Variants in LRFN5 observed in about 807,000 individuals in gnomAD.
LRFN5 encodes the protein leucine-rich repeat and fibronectin type-III domain-containing protein 5.
Under a neutral mutation model 45.6 loss-of-function variants are expected in LRFN5, and 24 were observed. The observed-to-expected ratio is 0.53, with a 90% CI of 0.38 to 0.74. LRFN5 has a LOEUF of 0.74. LRFN5 is among the 30% of genes least tolerant of loss of function. LRFN5 has a pLI of 0.00. For missense variants in LRFN5, 776 were observed against 861.5 expected, an observed-to-expected ratio of 0.90 and a Z score of 1.24; for synonymous variants, 340 against 313.8, an observed-to-expected ratio of 1.08 and a Z score of -0.88.
At chr14:41,636,206 A>G (rs1394700823) in intron 1 of LRFN5, among the ~76,000 whole-genome samples, 2 of 152,198 alleles carry the variant, frequency 1.3e-5, no homozygotes, top group Non-Finnish European at 2.9e-5. Flanking sequence ...AGACTGGTTA[A>G]AAGGCAGTTA....
intron 2 of LRFN5, among the ~76,000 whole-genome samples, chr14:41,865,101 TCTC>T (rs746749761): frequency 3.3e-5 from 5 of 152,126 alleles, no homozygotes; most frequent in African/African-American, 7.2e-5. Context: ...TGCCATTCAA[TCTC>T]CTCATTAAAG....
intron 3 of LRFN5, among the ~76,000 whole-genome samples, chr14:41,888,886 A>G (rs1334860596): frequency 6.6e-6 from 1 of 151,906 alleles, no homozygotes; most frequent in Non-Finnish European, 1.5e-5. Context: ...ACCCTTTCAT[A>G]TAATTTCACT....
chr14:41,707,590 T>C (rs938802939), intron 1 of LRFN5, among the ~76,000 whole-genome samples: 1 of 152,186 alleles, frequency 6.6e-6, no homozygotes, highest in African/African-American at 2.4e-5. Flanking sequence ...ACTTTACTTT[T>C]ATATATACTA....
At chr14:41,896,942 A>G (rs1890959066) in intron 4 of LRFN5, among the ~76,000 whole-genome samples, 1 of 151,662 alleles carries the variant, frequency 6.6e-6, no homozygotes, top group Non-Finnish European at 1.5e-5. Context: ...AATACAAAAA[A>G]TTAGCTGGGT....
intron 1 of LRFN5, among the ~76,000 whole-genome samples, chr14:41,684,951 T>C (rs1010213058): frequency 2.6e-5 from 4 of 152,292 alleles, no homozygotes; most frequent in East Asian, 3.9e-4. Flanking sequence ...AAGGACTCTA[T>C]AGGAAAATAT....
At chr14:41,769,276 G>A (rs1885996124) in intron 2 of LRFN5, among the ~76,000 whole-genome samples, 1 of 152,144 alleles carries the variant, frequency 6.6e-6, no homozygotes. Flanking sequence ...TTGTGATTAA[G>A]GAGGACAGCT....
chr14:41,764,280 A>G (rs1187642345), intron 1 of LRFN5, among the ~76,000 whole-genome samples: 2 of 152,296 alleles, frequency 1.3e-5, no homozygotes, highest in East Asian at 3.9e-4. Context: ...GCCCAAGGTT[A>G]GTTGACCTTT....
intron 1 of LRFN5, among the ~76,000 whole-genome samples, chr14:41,728,608 T>G (rs985366342): frequency 6.6e-6 from 1 of 152,216 alleles, no homozygotes; most frequent in Non-Finnish European, 1.5e-5. Flanking sequence ...TAATTAAGAT[T>G]AGAATCTATT....
At chr14:41,835,581 T>C (rs2139041869) in intron 2 of LRFN5, among the ~76,000 whole-genome samples, 1 of 152,184 alleles carries the variant, frequency 6.6e-6, no homozygotes, top group Non-Finnish European at 1.5e-5. Context: ...CAAAACTTAG[T>C]TGGGCATGGT....
chr14:41,704,440 C>CTGTGTGTGTGTGTGTGTGTGTGTG (rs1207281360), intron 1 of LRFN5, among the ~76,000 whole-genome samples: 1 of 125,270 alleles, frequency 8.0e-6, no homozygotes, highest in Non-Finnish European at 1.6e-5. Context: ...CTCTCTCTCT[C>CTGTGTGTGTGTGTGTGTGTGTGTG]TCTCTCTCTG....
At chr14:41,669,832 A>G (rs973062059) in intron 1 of LRFN5, among the ~76,000 whole-genome samples, 1 of 151,428 alleles carries the variant, frequency 6.6e-6, no homozygotes, top group East Asian at 1.9e-4. Context: ...AACCAATTAA[A>G]GTATGCTCAT....
chr14:41,709,044 A>C (rs1258726201), intron 1 of LRFN5, among the ~76,000 whole-genome samples: 1 of 151,694 alleles, frequency 6.6e-6, no homozygotes, highest in Non-Finnish European at 1.5e-5. Flanking sequence ...TTCTTTCTTT[A>C]TTTCTTAGCT....
chr14:41,646,860 T>G (rs572720960), intron 1 of LRFN5, among the ~76,000 whole-genome samples: 1 of 152,274 alleles, frequency 6.6e-6, no homozygotes, highest in Non-Finnish European at 1.5e-5. Context: ...ACAGTCTTCC[T>G]AACAGCCTCA....
intron 2 of LRFN5, among the ~76,000 whole-genome samples, chr14:41,792,774 A>G (rs755810604): frequency 6.6e-6 from 1 of 152,052 alleles, no homozygotes; most frequent in Non-Finnish European, 1.5e-5. Flanking sequence ...ATGTTTTACA[A>G]TCAATTTGTA....
chr14:41,702,493 C>T (rs1028631738), intron 1 of LRFN5, among the ~76,000 whole-genome samples: 1 of 152,092 alleles, frequency 6.6e-6, no homozygotes, highest in Non-Finnish European at 1.5e-5. Context: ...GACAGGGTCT[C>T]GCTCTTTCAC....
intron 1 of LRFN5, among the ~76,000 whole-genome samples, chr14:41,741,358 T>A (rs1884682423): frequency 6.6e-6 from 1 of 151,784 alleles, no homozygotes; most frequent in South Asian, 2.1e-4. Flanking sequence ...AGAAGATATA[T>A]TGATGAATGG....
At chr14:41,748,946 G>A (rs8003444) in intron 1 of LRFN5, among the ~76,000 whole-genome samples, 104,595 of 151,390 alleles carry the variant, frequency 0.69, 36,671 homozygotes, top group East Asian at 0.97. Context: ...TCTGGAGGCA[G>A]TGGATTCTAT....
At chr14:41,630,395 G>A in intron 1 of LRFN5, among the ~76,000 whole-genome samples, 1 of 152,002 alleles carries the variant, frequency 6.6e-6, no homozygotes, top group East Asian at 1.9e-4. Context: ...AAGTATAATG[G>A]GAATTGCTGA....
At position 41,904,133 on chromosome 14, in the gene LRFN5, CCTTTTT is replaced by C; in HGVS notation, c.2143-14_2143-9del. The C allele has an allele frequency of 1.9e-6, 3 of 1,552,784 alleles. No individual in the cohort carries two copies. Among genetic ancestry groups the C allele is most frequent in the Non-Finnish European group, 2.6e-6 (3 of 1,137,798 alleles). On this transcript the variant is annotated intron_variant, in intron 5 of 5. Coordinates refer to ENST00000298119, the MANE Select transcript of LRFN5 (RefSeq NM_152447.5). ...TCTTTCTTCCTTTCTTTCTTTTTTT[CCTTTTT>C]CTTTTTCTTTCATTTCAGAGGCTGG...
Sources: allele counts gnomAD v4.1 joint callset (sites outside exome capture counted in the v4.1 genomes callset), GRCh38; gene constraint gnomAD v4.1.1; transcripts MANE v1.5; gene names NCBI Gene and HGNC (gene_info 2026-07-23, HGNC 2026-07-21).